The following BTBD10 variants were observed in gnomAD, a reference collection of about 807,000 sequenced individuals.
BTBD10 encodes the protein BTB domain containing 10.
BTBD10 carries 21 observed loss-of-function variants against 53.2 expected under a neutral mutation model. The observed-to-expected ratio is 0.39, with a 90% CI of 0.28 to 0.57. The LOEUF (loss-of-function observed/expected upper bound fraction) is 0.57, where lower values mean the gene tolerates loss of function less well. Among genes scored for constraint, BTBD10 ranks in the 20% least tolerant of loss-of-function variants. The pLI is 0.53. For missense variants in BTBD10, 360 were observed against 594.7 expected (o/e 0.61, Z 4.10); for synonymous variants, 149 against 192.7 (o/e 0.77, Z 1.88).
intron 2 of BTBD10, among the ~76,000 whole-genome samples, chr11:13,423,996 A>G (rs565343353): frequency 2.7e-5 from 4 of 150,648 alleles, no homozygotes; most frequent in Admixed American, 2.0e-4. Flanking sequence ...AGATCAAAAG[A>G]TCCTACTGCA....
Position 13,439,275 on chromosome 11 carries a change from C to T in BTBD10, c.101+5749G>A, listed in dbSNP as rs183346991. On this transcript the variant is annotated intron_variant, in intron 2 of 8. Transcript: ENST00000278174. Reference sequence around the variant, plus strand: ...AAGATTTAAAATCTCACAGGAAAAACCATTATCCTTATTTAGAAATTTTGT... The same window carrying T: ...AAGATTTAAAATCTCACAGGAAAAATCATTATCCTTATTTAGAAATTTTGT... 2.3e-3 allele frequency among the ~76,000 whole-genome samples: 347 copies of T among 152,082 alleles called. 2 individuals are homozygous for T. The highest frequency in any genetic ancestry group is 8.0e-3 in the African/African-American group (332 of 41,534).
At chr11:13,449,684 G>T (rs1374169338) in intron 1 of BTBD10, among the ~76,000 whole-genome samples, 1 of 152,164 alleles carries the variant, frequency 6.6e-6, no homozygotes, top group Non-Finnish European at 1.5e-5. Context: ...CTGGAGGCTG[G>T]AAAGTCCAAA....
chr11:13,439,922 A>G, intron 2 of BTBD10: 2 of 1,534,550 alleles, frequency 1.3e-6, no homozygotes, highest in East Asian at 2.4e-5. Context: ...CACAAAAACA[A>G]GAAAAAAATT....
intron 4 of BTBD10, among the ~76,000 whole-genome samples, chr11:13,418,971 CTTT>C (rs11423580): frequency 1.6e-5 from 2 of 125,450 alleles, no homozygotes; most frequent in African/African-American, 3.0e-5. Flanking sequence ...GTTGACATTC[CTTT>C]TTTTTTTTTT....
rs765440882 is a variant in BTBD10 at position 13,388,847 on chromosome 11, T to A, written c.1412A>T (p.Gln471Leu). The A allele has an allele frequency of 6.2e-6, 10 of 1,612,696 alleles. No individual in the cohort carries two copies. In the South Asian group the frequency reaches 9.9e-5, roughly 16 times the overall value. The change falls in exon 9 of 9, where the codon CAG (glutamine) becomes CTG (leucine). Residue 471 changes from glutamine (Q) to leucine (L), a missense_variant. Around this residue, in one of 6 missense-constraint regions of BTBD10, gnomAD observed 25 missense variants for 24.9 expected, o/e 1.00. Coordinates refer to ENST00000278174, the MANE Select transcript of BTBD10 (RefSeq NM_032320.7). ...AGATCAGCATCACAGCATTGGATTCTGTGCATCAGGATCGAGGTCACTGTT... is the reference window on the plus strand; with the variant it reads ...AGATCAGCATCACAGCATTGGATTCAGTGCATCAGGATCGAGGTCACTGTT... ...SGNSDLDPDA[Q>L]NPML
chr11:13,437,240 G>C (rs1224868175), intron 2 of BTBD10, among the ~76,000 whole-genome samples: 1 of 152,142 alleles, frequency 6.6e-6, no homozygotes, highest in African/African-American at 2.4e-5. Flanking sequence ...TTTAGGGGAG[G>C]GGTGAGGAAG....
At chr11:13,410,261 A>G (rs1245967301) in intron 6 of BTBD10, among the ~76,000 whole-genome samples, 1 of 152,130 alleles carries the variant, frequency 6.6e-6, no homozygotes. Context: ...ACCACTTAGA[A>G]TAAGTGCAGA....
chr11:13,395,898 A>G (rs1414421524), intron 8 of BTBD10, among the ~76,000 whole-genome samples: 1 of 152,056 alleles, frequency 6.6e-6, no homozygotes, highest in Non-Finnish European at 1.5e-5. Flanking sequence ...ATTGGTCTGT[A>G]TCTCTGTTTT....
intron 8 of BTBD10, among the ~76,000 whole-genome samples, chr11:13,402,277 T>C (rs1396479182): frequency 2.0e-5 from 3 of 152,226 alleles, no homozygotes; most frequent in Admixed American, 1.3e-4. Flanking sequence ...AGGTCAATGA[T>C]CAACACTATT....
chr11:13,450,420 G>A (rs573628797), intron 1 of BTBD10, among the ~76,000 whole-genome samples: 2 of 152,300 alleles, frequency 1.3e-5, no homozygotes, highest in Admixed American at 1.3e-4. Context: ...GGCCTACATG[G>A]AGGAAGAATT....
rs146397280 is a variant in BTBD10, at chr11:13,414,042, T to C, written c.688-392A>G. Among the ~76,000 whole-genome samples the C allele has an allele frequency of 9.2e-5, 14 of 152,316 alleles. No individual in the cohort carries two copies. The East Asian group carries it at 1.9e-3, about 21-fold the overall frequency. The stretch of plus-strand genomic sequence containing the variant: ...AACATTTTTTTAAAAAGTAAGGAAA[T>C]TGAATGATATGTTATCTTAAATACT... On this transcript the variant is annotated intron_variant, in intron 5 of 8. Coordinates refer to ENST00000278174, the MANE Select transcript of BTBD10 (RefSeq NM_032320.7).
chr11:13,419,766 G>A (rs761925907), intron 3 of BTBD10, 21 bp from the exon 4 acceptor site: 46 of 1,504,806 alleles, frequency 3.1e-5, no homozygotes, highest in Non-Finnish European at 3.8e-5. Context: ...GATGTTAGAC[G>A]AAGTTATGCA....
At chr11:13,413,498 C>T (rs1297244104) in intron 6 of BTBD10, 32 bp downstream of exon 6, 1 of 1,574,382 alleles carries the variant, frequency 6.4e-7, no homozygotes, top group Non-Finnish European at 8.6e-7. Flanking sequence ...TCTAATTCTA[C>T]AAACCACTTA....
chr11:13,449,099 C>T (rs1375569315), intron 1 of BTBD10, among the ~76,000 whole-genome samples: 2 of 152,100 alleles, frequency 1.3e-5, no homozygotes, highest in African/African-American at 4.8e-5. Context: ...TTCTCTTGGA[C>T]ATTCTGTCTA....
intron 5 of BTBD10, among the ~76,000 whole-genome samples, chr11:13,415,008 T>C (rs1039732303): frequency 2.0e-5 from 3 of 152,016 alleles, no homozygotes; most frequent in African/African-American, 7.2e-5. Flanking sequence ...CTATTTTCCC[T>C]ATCTGTCTTC....
At chr11:13,411,556 T>A (rs1949944847) in intron 6 of BTBD10, among the ~76,000 whole-genome samples, 2 of 152,058 alleles carry the variant, frequency 1.3e-5, no homozygotes, top group African/African-American at 2.4e-5. Flanking sequence ...AAGCTAAAAG[T>A]CTAGGATAAT....
intron 2 of BTBD10, among the ~76,000 whole-genome samples, chr11:13,443,557 T>C (rs1950701709): frequency 4.0e-5 from 6 of 151,730 alleles, no homozygotes; most frequent in Admixed American, 2.0e-4. Flanking sequence ...TATAACATAG[T>C]AGATATAAAT....
chr11:13,450,844 T>A (rs965258889), intron 1 of BTBD10, among the ~76,000 whole-genome samples: 11 of 152,146 alleles, frequency 7.2e-5, no homozygotes. Flanking sequence ...AGGTATACTA[T>A]AAAAAACAAC....
intron 8 of BTBD10, among the ~76,000 whole-genome samples, chr11:13,399,700 G>A (rs988526002): frequency 2.6e-5 from 4 of 152,160 alleles, no homozygotes; most frequent in Admixed American, 1.3e-4. Context: ...GGTCTTTGAT[G>A]ATGGTGACGT....
Sources: allele counts gnomAD v4.1 joint callset (sites outside exome capture counted in the v4.1 genomes callset), GRCh38; gene constraint gnomAD v4.1.1; regional missense constraint gnomAD v4.1.1; transcripts MANE v1.5; gene names NCBI Gene and HGNC (gene_info 2026-07-23, HGNC 2026-07-21).